The following CNTNAP4 variants were observed in gnomAD, a reference collection of about 807,000 sequenced individuals.
CNTNAP4 encodes contactin associated protein family member 4, also known as contactin-associated protein-like 4.
Under a neutral mutation model 148.4 loss-of-function variants are expected in CNTNAP4, and 98 were observed. The observed-to-expected ratio is 0.66, with a 90% CI of 0.56 to 0.78. CNTNAP4 has a LOEUF of 0.78. CNTNAP4 is among the 30% of genes least tolerant of loss of function. The pLI, the probability that CNTNAP4 is intolerant of heterozygous loss-of-function variation, is 0.00. For synonymous variants in CNTNAP4, 730 were observed against 565.1 expected, an observed-to-expected ratio of 1.29 and a Z score of -4.14; for missense variants, 1,935 against 1,565.6, an observed-to-expected ratio of 1.24 and a Z score of -3.98.
At chr16:76,428,280 A>T (rs78115755) in intron 4 of CNTNAP4, among the ~76,000 whole-genome samples, 1 of 152,136 alleles carries the variant, frequency 6.6e-6, no homozygotes. Context: ...CACTTTTATT[A>T]TAGAACAGTG....
chr16:76,512,750 A>G (rs757558774), intron 15 of CNTNAP4, among the ~76,000 whole-genome samples: 53 of 152,262 alleles, frequency 3.5e-4, no homozygotes, highest in East Asian at 2.1e-3. Flanking sequence ...GGATAAATTG[A>G]CGAGGTGAAG....
chr16:76,357,864 G>A (rs1362560884), intron 3 of CNTNAP4, among the ~76,000 whole-genome samples: 2 of 152,046 alleles, frequency 1.3e-5, no homozygotes, highest in South Asian at 2.1e-4. Flanking sequence ...CTTTATGGGC[G>A]AGATTTTCTT....
At chr16:76,530,377 A>G (rs1568530022) in intron 17 of CNTNAP4, among the ~76,000 whole-genome samples, 2 of 152,118 alleles carry the variant, frequency 1.3e-5, no homozygotes, top group African/African-American at 4.8e-5. Flanking sequence ...CATCTTTTTC[A>G]TGATTAGCCT....
At chr16:76,536,095 C>A (rs1006009414) in intron 18 of CNTNAP4, among the ~76,000 whole-genome samples, 3 of 152,140 alleles carry the variant, frequency 2.0e-5, no homozygotes, top group African/African-American at 7.2e-5. Flanking sequence ...GCTCAATCTG[C>A]TTTTTTCTAC....
intron 19 of CNTNAP4, among the ~76,000 whole-genome samples, chr16:76,539,203 G>T (rs2084346694): frequency 6.6e-6 from 1 of 151,874 alleles, no homozygotes; most frequent in African/African-American, 2.4e-5. Flanking sequence ...TAATTGTGAT[G>T]GTAAATTTGG....
At chr16:76,383,393 C>T (rs1381304740) in intron 3 of CNTNAP4, among the ~76,000 whole-genome samples, 1 of 52,652 alleles carries the variant, frequency 1.9e-5, no homozygotes, top group African/African-American at 8.1e-5. Flanking sequence ...AATACAGGAA[C>T]AGAAAAAAAA....
At chr16:76,452,438 G>A (rs1326288850) in intron 7 of CNTNAP4, 70 bp from the exon 8 acceptor site, 4 of 1,496,250 alleles carry the variant, frequency 2.7e-6, no homozygotes, top group East Asian at 2.3e-5. Context: ...TTGAAAAGCA[G>A]CCTTCAAATT....
In CNTNAP4 at chr16:76,461,978, G is replaced by C; in HGVS notation, c.1356G>C (p.Gln452His). 1 of 1,613,790 alleles carries C rather than the reference G, an allele frequency of 6.2e-7. No individual in the cohort carries two copies. The highest frequency in any genetic ancestry group is 8.5e-7 in the Non-Finnish European group (1 of 1,179,742). Residue 452 changes from glutamine (Q) to histidine (H), a missense_variant, in exon 9 of 24, where the codon CAG becomes CAC. Transcript: ENST00000611870. The part of the protein sequence containing the change: ...ITAGVELNDG[Q>H]WHSVSLSAKK... ...TAGGTGTCGAATTAAATGATGGGCA[G>C]TGGCATTCTGTCTCTTTATCTGCTA...
chr16:76,460,631 C>G lies in CNTNAP4; in HGVS notation c.1334-1325C>G, dbSNP rs190743714. On this transcript the variant is annotated intron_variant, in intron 8 of 23. Coordinates refer to ENST00000611870, the MANE Select transcript of CNTNAP4 (RefSeq NM_033401.5). Reference sequence around the variant, plus strand: ...AAAAAAAATTAGCCAGGCGTGGTGGCAAGCGCCTGTAGTCCCAGCTACATT... The same window carrying G: ...AAAAAAAATTAGCCAGGCGTGGTGGGAAGCGCCTGTAGTCCCAGCTACATT... Among the ~76,000 whole-genome samples the G allele has an allele frequency of 5.6e-3, 828 of 147,264 alleles. 7 individuals carry two copies. Among genetic ancestry groups the G allele is most frequent in the African/African-American group, 0.018 (728 of 40,276 alleles).
At chr16:76,366,913 C>A (rs568287643) in intron 3 of CNTNAP4, among the ~76,000 whole-genome samples, 1 of 152,048 alleles carries the variant, frequency 6.6e-6, no homozygotes, top group Admixed American at 6.6e-5. Flanking sequence ...TATTATAAAG[C>A]TATTCATTCT....
chr16:76,334,054 A>G (rs1375865940), intron 2 of CNTNAP4, among the ~76,000 whole-genome samples: 1 of 151,824 alleles, frequency 6.6e-6, no homozygotes. Flanking sequence ...TGATGAGTTC[A>G]TGTCCTTTGT....
chr16:76,389,745 C>T (rs187362215), intron 3 of CNTNAP4, among the ~76,000 whole-genome samples: 2 of 152,182 alleles, frequency 1.3e-5, no homozygotes, highest in Admixed American at 1.3e-4. Flanking sequence ...GGATTACGGG[C>T]GTGAGCCACC....
intron 2 of CNTNAP4, among the ~76,000 whole-genome samples, chr16:76,339,954 G>A (rs934242876): frequency 6.6e-6 from 1 of 152,172 alleles, no homozygotes; most frequent in Non-Finnish European, 1.5e-5. Flanking sequence ...AACTGCAGCT[G>A]GGAGGTGGAG....
intron 3 of CNTNAP4, among the ~76,000 whole-genome samples, chr16:76,409,656 T>C (rs1389042706): frequency 6.6e-6 from 1 of 152,032 alleles, no homozygotes; most frequent in East Asian, 1.9e-4. Flanking sequence ...CTAGGAAGTA[T>C]TCTATTGGTA....
chr16:76,278,842 C>T (rs921983204), intron 1 of CNTNAP4, among the ~76,000 whole-genome samples: 1 of 152,140 alleles, frequency 6.6e-6, no homozygotes, highest in African/African-American at 2.4e-5. Context: ...AAAAACATGA[C>T]AAACTCATGG....
At chr16:76,504,261 T>C (rs1273342857) in intron 15 of CNTNAP4, among the ~76,000 whole-genome samples, 1 of 151,986 alleles carries the variant, frequency 6.6e-6, no homozygotes, top group Non-Finnish European at 1.5e-5. Context: ...AATACATGAA[T>C]GGAATAGAAT....
At chr16:76,346,384 G>C (rs895084740) in intron 2 of CNTNAP4, among the ~76,000 whole-genome samples, 1 of 141,114 alleles carries the variant, frequency 7.1e-6, no homozygotes, top group Admixed American at 7.8e-5. Flanking sequence ...AGTGATATGA[G>C]AATATTTGGC....
At chr16:76,322,572 T>A (rs1415476995) in intron 2 of CNTNAP4, among the ~76,000 whole-genome samples, 1 of 152,200 alleles carries the variant, frequency 6.6e-6, no homozygotes, top group East Asian at 1.9e-4. Flanking sequence ...CACCAAACTT[T>A]AATTTCCTAC....
chr16:76,383,453 G>A (rs927741825), intron 3 of CNTNAP4, among the ~76,000 whole-genome samples: 1 of 150,644 alleles, frequency 6.6e-6, no homozygotes, highest in East Asian at 1.9e-4. Flanking sequence ...AGCAAGGTGG[G>A]AAACATTATA....
Sources: allele counts gnomAD v4.1 joint callset (sites outside exome capture counted in the v4.1 genomes callset), GRCh38; gene constraint gnomAD v4.1.1; transcripts MANE v1.5; gene names NCBI Gene and HGNC (gene_info 2026-07-23, HGNC 2026-07-21).